NAA50: variants seen among roughly 807,000 people sequenced by gnomAD.
NAA50 encodes N-alpha-acetyltransferase 50, NatE catalytic subunit.
Under a neutral mutation model 20.7 loss-of-function variants are expected in NAA50, and 7 were observed. The ratio of observed to expected loss-of-function variants is 0.34; its 90% CI spans 0.19 to 0.63. The LOEUF (loss-of-function observed/expected upper bound fraction) is 0.63. NAA50 is among the 30% of genes least tolerant of loss of function. The pLI is 0.75. For missense variants in NAA50, 111 were observed against 199.1 expected (o/e 0.56, Z 2.66); for synonymous variants, 54 against 70.6 (o/e 0.77, Z 1.18).
intron 1 of NAA50, among the ~76,000 whole-genome samples, chr3:113,742,472 C>G (rs1173149482): frequency 6.7e-6 from 1 of 148,810 alleles, no homozygotes; most frequent in Non-Finnish European, 1.5e-5. Context: ...GTCGCCCAGG[C>G]AGGAATGCAG....
chr3:113,725,615 A>C (rs920439127), intron 1 of NAA50, among the ~76,000 whole-genome samples: 2 of 152,108 alleles, frequency 1.3e-5, no homozygotes, highest in Non-Finnish European at 2.9e-5. Context: ...TTTTAAAAAA[A>C]CTTAACCAGG....
chr3:113,733,543 T>A (rs1223426759), intron 1 of NAA50, among the ~76,000 whole-genome samples: 2 of 151,904 alleles, frequency 1.3e-5, no homozygotes, highest in Non-Finnish European at 2.9e-5. Context: ...TCCTTCTCTG[T>A]TAAAGATTCA....
chr3:113,740,916 T>C, intron 1 of NAA50: 1 of 481,044 alleles, frequency 2.1e-6, no homozygotes, highest in Admixed American at 2.4e-5. Flanking sequence ...AATGACTCCA[T>C]CATAAGGACT....
chr3:113,730,283 AGAGT>A (rs747055141), intron 1 of NAA50, among the ~76,000 whole-genome samples: 4 of 152,172 alleles, frequency 2.6e-5, no homozygotes, highest in Admixed American at 6.5e-5. Context: ...CCTGAGTGAC[AGAGT>A]GAGACTGTTC....
At chr3:113,727,997 ATTATT>A (rs1444417833) in intron 1 of NAA50, among the ~76,000 whole-genome samples, 3 of 152,004 alleles carry the variant, frequency 2.0e-5, no homozygotes, top group Non-Finnish European at 2.9e-5. Context: ...TTAGCTCCAA[ATTATT>A]TTAAGACATG....
chr3:113,735,727 A>G (rs534258769), intron 1 of NAA50, among the ~76,000 whole-genome samples: 12 of 152,352 alleles, frequency 7.9e-5, no homozygotes, highest in East Asian at 1.9e-4. Context: ...TCAGAAGCTC[A>G]GGCTAGAGTG....
chr3:113,730,750 T>C (rs760639869), intron 1 of NAA50, among the ~76,000 whole-genome samples: 1 of 152,222 alleles, frequency 6.6e-6, no homozygotes, highest in African/African-American at 2.4e-5. Context: ...CACCCCGGTG[T>C]TGTGCATATC....
intron 1 of NAA50, among the ~76,000 whole-genome samples, chr3:113,728,219 AAACT>A (rs775403406): frequency 5.4e-4 from 82 of 152,326 alleles, no homozygotes; most frequent in African/African-American, 1.6e-3. Flanking sequence ...CTCTATTAAA[AAACT>A]AACCTAATGG....
intron 1 of NAA50, among the ~76,000 whole-genome samples, chr3:113,724,322 C>T (rs1471624005): frequency 6.6e-6 from 1 of 152,180 alleles, no homozygotes; most frequent in Non-Finnish European, 1.5e-5. Flanking sequence ...ATATGGTACA[C>T]AACGACTACT....
chr3:113,740,929 C>T (rs918218777), intron 1 of NAA50: 3 of 500,748 alleles, frequency 6.0e-6, no homozygotes, highest in Admixed American at 2.2e-5. Context: ...TAAGGACTAG[C>T]GATGGTAACA....
At position 113,723,410 on chromosome 3, in the gene NAA50, A is replaced by G; in HGVS notation, c.265+12T>C. On this transcript the variant is annotated intron_variant, in intron 3 of 4. Transcript: ENST00000240922. ...GCTTCTCTGAAGAAGTAAAAAAACC[A>G]CAATTTTTTACCTATTCCTAGCCTT... is the stretch of plus-strand genomic sequence containing the variant. The G allele has an allele frequency of 1.3e-6, 2 of 1,595,736 alleles. No homozygotes were observed. Among genetic ancestry groups the G allele is most frequent in the Non-Finnish European group, 8.5e-7 (1 of 1,172,712 alleles).
intron 1 of NAA50, chr3:113,724,481 T>C (rs1346805025): frequency 6.4e-6 from 1 of 156,642 alleles, no homozygotes; most frequent in Non-Finnish European, 1.4e-5. Flanking sequence ...AAGAAAACAA[T>C]GGAGGTATGC....
chr3:113,732,857 C>T (rs903526041), intron 1 of NAA50, among the ~76,000 whole-genome samples: 12 of 152,122 alleles, frequency 7.9e-5, no homozygotes, highest in African/African-American at 1.2e-4. Context: ...GTGGCTGTGA[C>T]GTTTATATTT....
chr3:113,723,598 T>A, intron 2 of NAA50, 57 bp from the exon 3 acceptor site: 2 of 1,516,686 alleles, frequency 1.3e-6, no homozygotes. Context: ...ACATTTAATC[T>A]TTTTCCCTTT....
rs192786320 is a variant in NAA50 at position 113,740,457 on chromosome 3, C to T, written c.8+5485G>A. Among the ~76,000 whole-genome samples the T allele has an allele frequency of 3.3e-3, 508 of 152,310 alleles. 4 individuals carry two copies. The highest frequency in any genetic ancestry group is 5.1e-3 in the Non-Finnish European group (345 of 68,020). On this transcript the variant is annotated intron_variant, in intron 1 of 4. Coordinates refer to ENST00000240922, the MANE Select transcript of NAA50 (RefSeq NM_025146.4). ...CCTCGATGCAGTGCAGCTTCAACCTCCTAAGCTCAAGTGATTTTCCCAACT... is the reference window on the plus strand; with the variant it reads ...CCTCGATGCAGTGCAGCTTCAACCTTCTAAGCTCAAGTGATTTTCCCAACT...
In NAA50 at chr3:113,719,887, AG is replaced by A. The variant is rs1708111622; in HGVS notation, c.*1872del. ...TTTGATATCTGGGAAGTTTACAAAAAGGCTGCTGCATTCTTCAAACTACTTA... is the reference window on the plus strand; with the variant it reads ...TTTGATATCTGGGAAGTTTACAAAAAGCTGCTGCATTCTTCAAACTACTTA... On this transcript the variant is annotated 3_prime_UTR_variant, in exon 5 of 5. Transcript: ENST00000240922. 1 of 152,650 alleles carries A rather than the reference AG, an allele frequency of 6.6e-6. No individual in the cohort carries two copies. The highest frequency in any genetic ancestry group is 1.5e-5 in the Non-Finnish European group (1 of 68,016). 9.5% of individuals were successfully genotyped at this position (152,650 alleles called of 1,614,324 possible).
rs1291440908 is a variant in NAA50 at position 113,717,260 on chromosome 3, G to A, written c.*4500C>T. The A allele has an allele frequency of 6.6e-6, 1 of 152,278 alleles. No individual in the cohort carries two copies. Among genetic ancestry groups the A allele is most frequent in the Non-Finnish European group, 1.5e-5 (1 of 68,128 alleles). The allele number at this position is 152,278 out of a possible 1,614,324, so 9.4% of individuals were successfully genotyped here. A position where few individuals can be genotyped will look rare whatever the true frequency, so the allele number is the denominator to read the frequency against. On this transcript the variant is annotated 3_prime_UTR_variant, in exon 5 of 5. Transcript: ENST00000240922. ...GCTCAGGCAGAATTGCTTGAATCTG[G>A]GAGGCGGAGTTTGCAGTGAGCCAAG...
chr3:113,717,017 A>G lies in NAA50; in HGVS notation c.*4743T>C, dbSNP rs967863008. 6.6e-6 allele frequency: 1 copy of G among 152,172 alleles called. No homozygotes were observed. Among genetic ancestry groups the G allele is most frequent in the Non-Finnish European group, 1.5e-5 (1 of 68,024 alleles). The allele number at this position is 152,172 out of a possible 1,614,324, so 9.4% of individuals were successfully genotyped here. On this transcript the variant is annotated 3_prime_UTR_variant, in exon 5 of 5. Coordinates refer to ENST00000240922, the MANE Select transcript of NAA50 (RefSeq NM_025146.4). ...TATTCTAGAAGCTACTGAGCAAGGAAAATACCTTGATTCATTCTAGATAGA... is the reference window on the plus strand; with the variant it reads ...TATTCTAGAAGCTACTGAGCAAGGAGAATACCTTGATTCATTCTAGATAGA...
chr3:113,731,722 A>G (rs946242921), intron 1 of NAA50, among the ~76,000 whole-genome samples: 2 of 152,218 alleles, frequency 1.3e-5, no homozygotes, highest in African/African-American at 4.8e-5. Flanking sequence ...ACACAAGAAA[A>G]GTGATCTTTT....
Sources: gnomAD v4.1 joint callset for allele counts (sites outside exome capture counted in the v4.1 genomes callset) on GRCh38, gnomAD v4.1.1 for gene constraint, MANE v1.5 for transcripts, NCBI Gene and HGNC (gene_info 2026-07-23, HGNC 2026-07-21) for gene names.